Variants in PTPRN2 observed in about 807,000 individuals in gnomAD.
PTPRN2 encodes protein tyrosine phosphatase receptor type N2, also known as receptor-type tyrosine-protein phosphatase N2.
In PTPRN2, 74 loss-of-function variants were observed where a neutral mutation model predicts 118.8. The observed-to-expected ratio is 0.62, with a 90% CI of 0.52 to 0.76. The LOEUF (loss-of-function observed/expected upper bound fraction) is 0.76, where lower values mean the gene tolerates loss of function less well. Among genes scored for constraint, PTPRN2 ranks in the 30% least tolerant of loss-of-function variants. The pLI, the probability that PTPRN2 is intolerant of heterozygous loss-of-function variation, is 0.00. For synonymous variants in PTPRN2, 641 were observed against 608.0 expected (o/e 1.05, Z -0.80); for missense variants, 1,481 against 1,394.4 (o/e 1.06, Z -0.99).
At chr7:157,980,120 A>G (rs1444056186) in intron 11 of PTPRN2, among the ~76,000 whole-genome samples, 1 of 152,200 alleles carries the variant, frequency 6.6e-6, no homozygotes, top group African/African-American at 2.4e-5. Context: ...TGACTTGGTA[A>G]AAATTCAGTA....
At chr7:158,193,889 C>T (rs539757974) in intron 4 of PTPRN2, among the ~76,000 whole-genome samples, 208 of 142,464 alleles carry the variant, frequency 1.5e-3, no homozygotes, top group African/African-American at 5.4e-3. Context: ...CTCCACATTC[C>T]AGCAAGGCTC....
intron 12 of PTPRN2, among the ~76,000 whole-genome samples, chr7:157,738,708 G>A (rs552920760): frequency 6.6e-6 from 1 of 152,140 alleles, no homozygotes; most frequent in South Asian, 2.1e-4. Context: ...TTCTGGATAC[G>A]TGCTTGTTTT....
At chr7:158,443,509 C>T (rs1291845914) in intron 2 of PTPRN2, among the ~76,000 whole-genome samples, 1 of 152,196 alleles carries the variant, frequency 6.6e-6, no homozygotes, top group Non-Finnish European at 1.5e-5. Flanking sequence ...TAGGTTGAAT[C>T]CTGGGCTGCC....
chr7:157,987,044 G>A lies in PTPRN2; in HGVS notation c.1724-88307C>T, dbSNP rs545864955. On this transcript the variant is annotated intron_variant, in intron 11 of 22. Coordinates refer to ENST00000389418, the MANE Select transcript of PTPRN2 (RefSeq NM_002847.5). This position sits in a 1 kb window ranked among gnomAD's most constrained non-coding sequence, Gnocchi z 4.3. ...GGGTTCATGCACTGGAGTAGCTGCC[G>A]GTACACATCTAGGGAGTGATGATCC... Among the ~76,000 whole-genome samples the A allele has an allele frequency of 8.5e-5, 13 of 152,104 alleles. No individual in the cohort carries two copies. Among genetic ancestry groups the A allele is most frequent in the African/African-American group, 1.7e-4 (7 of 41,410 alleles).
At chr7:158,028,793 G>A (rs1049206194) in intron 11 of PTPRN2, 2 of 152,420 alleles carry the variant, frequency 1.3e-5, no homozygotes, top group Non-Finnish European at 2.9e-5. Context: ...AAGCCCAGGA[G>A]GGCGGGGCAG....
chr7:158,558,766 A>AAAAAAAAAAAAAAAAG (rs1827202835), intron 1 of PTPRN2, among the ~76,000 whole-genome samples: 1 of 151,128 alleles, frequency 6.6e-6, no homozygotes. Context: ...CTAAAAAAAA[A>AAAAAAAAAAAAAAAAG]AAAAAAAAAA....
At chr7:158,226,072 A>C (rs1284357962) in intron 3 of PTPRN2, among the ~76,000 whole-genome samples, 1 of 152,232 alleles carries the variant, frequency 6.6e-6, no homozygotes, top group Non-Finnish European at 1.5e-5. Flanking sequence ...TTAAAATTAA[A>C]AATTTAAAGA....
intron 6 of PTPRN2, among the ~76,000 whole-genome samples, chr7:158,155,526 CCATCAGCACTATCAT>C (rs1821654408): frequency 9.1e-6 from 1 of 110,470 alleles, no homozygotes; most frequent in South Asian, 3.1e-4. Flanking sequence ...ATCACCATCA[CCATCAGCACTATCAT>C]CACCATCAAC....
intron 1 of PTPRN2, among the ~76,000 whole-genome samples, chr7:158,503,880 A>G (rs1444348875): frequency 1.3e-5 from 2 of 152,104 alleles, no homozygotes; most frequent in Non-Finnish European, 2.9e-5. Flanking sequence ...GTGTGCCTAT[A>G]ATCCCAGCTA....
chr7:158,534,989 C>T (rs1027165053), intron 1 of PTPRN2, among the ~76,000 whole-genome samples: 5 of 152,164 alleles, frequency 3.3e-5, no homozygotes, highest in Non-Finnish European at 5.9e-5. Context: ...AGTATGCCCT[C>T]GCAGAAAGGA....
intron 11 of PTPRN2, among the ~76,000 whole-genome samples, chr7:158,016,940 C>G (rs1806505712): frequency 6.6e-6 from 1 of 152,212 alleles, no homozygotes; most frequent in Non-Finnish European, 1.5e-5. Context: ...CTGCTGCACT[C>G]TCACTAATCT....
chr7:157,918,919 C>G (rs1235864036), intron 11 of PTPRN2, among the ~76,000 whole-genome samples: 2 of 152,182 alleles, frequency 1.3e-5, no homozygotes, highest in Non-Finnish European at 2.9e-5. Flanking sequence ...TTAACTGCAC[C>G]CGGCACTAAC....
chr7:158,216,902 G>A (rs533322917), intron 3 of PTPRN2, among the ~76,000 whole-genome samples: 1 of 152,262 alleles, frequency 6.6e-6, no homozygotes, highest in South Asian at 2.1e-4. Flanking sequence ...TGTGTTCTCT[G>A]ACCACAATAT....
At chr7:157,731,658 C>G (rs4716493) in intron 12 of PTPRN2, among the ~76,000 whole-genome samples, 15 of 7,846 alleles carry the variant, frequency 1.9e-3, no homozygotes, top group Non-Finnish European at 2.2e-3. Context: ...TCCCGTCCCA[C>G]GCGCCCAGCA....
chr7:157,613,183 G>A (rs4716486), intron 15 of PTPRN2, among the ~76,000 whole-genome samples: 25,492 of 152,126 alleles, frequency 0.17, 2,887 homozygotes, highest in East Asian at 0.35. Flanking sequence ...AGCTCCTGAA[G>A]CGGTCCGCAA....
intron 2 of PTPRN2, among the ~76,000 whole-genome samples, chr7:158,374,017 G>A (rs563415083): frequency 6.0e-4 from 91 of 152,236 alleles, no homozygotes; most frequent in Non-Finnish European, 9.6e-4. Context: ...AGAGTGTGAT[G>A]ACTGTTCCCA....
In PTPRN2 at chr7:158,270,800, A is replaced by ACCTGGACCG. The variant is rs1798315892; in HGVS notation, c.277+46018_277+46019insCGGTCCAGG. On this transcript the variant is annotated intron_variant, in intron 3 of 22. Coordinates refer to ENST00000389418, the MANE Select transcript of PTPRN2 (RefSeq NM_002847.5). ...CCTGGACCACCCCTCCACCTGGACC[A>ACCTGGACCG]CCCCCTCACCTGGACCGCCCCCTCC... Among the ~76,000 whole-genome samples the ACCTGGACCG allele has an allele frequency of 6.1e-4, 7 of 11,464 alleles. 1 individual carries two copies. Among genetic ancestry groups the ACCTGGACCG allele is most frequent in the African/African-American group, 3.6e-3 (7 of 1,928 alleles). 7.5% of individuals were successfully genotyped at this position (11,464 alleles called of 152,430 possible). A position where few individuals can be genotyped will look rare whatever the true frequency, so the allele number is the denominator to read the frequency against.
At chr7:158,336,915 GCC>G (rs1805680141) in intron 2 of PTPRN2, among the ~76,000 whole-genome samples, 1 of 89,080 alleles carries the variant, frequency 1.1e-5, no homozygotes, top group Non-Finnish European at 2.4e-5. Flanking sequence ...AAGATCCGAC[GCC>G]CGCAGACGTC....
intron 1 of PTPRN2, among the ~76,000 whole-genome samples, chr7:158,582,878 C>T (rs983140703): frequency 6.6e-6 from 1 of 151,470 alleles, no homozygotes; most frequent in Non-Finnish European, 1.5e-5. Flanking sequence ...ATATCTGTCA[C>T]CCAATGCCAG....
Sources: allele counts gnomAD v4.1 joint callset (sites outside exome capture counted in the v4.1 genomes callset), GRCh38; gene constraint gnomAD v4.1.1; non-coding constraint Gnocchi (gnomAD v3.1); transcripts MANE v1.5; gene names NCBI Gene and HGNC (gene_info 2026-07-23, HGNC 2026-07-21).